Variants in RHBDF1 observed in about 807,000 individuals in gnomAD.
The protein encoded by RHBDF1 is inactive rhomboid protein 1.
A neutral mutation model predicts 98.6 loss-of-function variants in RHBDF1; 80 were observed. The observed-to-expected ratio is 0.81, with a 90% CI of 0.68 to 0.98. The LOEUF (loss-of-function observed/expected upper bound fraction) is 0.98, where lower values mean the gene tolerates loss of function less well. Ranked by LOEUF, RHBDF1 falls within the 50% of genes least tolerant of loss-of-function variation. RHBDF1 has a pLI of 0.00. For missense variants in RHBDF1, 1,116 were observed against 1,198.3 expected, an observed-to-expected ratio of 0.93 and a Z score of 1.01; for synonymous variants, 512 against 486.8, an observed-to-expected ratio of 1.05 and a Z score of -0.68.
In RHBDF1 at chr16:61,239, G is replaced by A. The variant is rs1368216351; in HGVS notation, c.1438C>T (p.Arg480Cys). The A allele has an allele frequency of 1.7e-5, 26 of 1,545,614 alleles. No homozygotes were observed. The highest frequency in any genetic ancestry group is 2.3e-5 in the Non-Finnish European group (26 of 1,144,724). The part of the protein sequence containing the change: ...HLGAKFSPCM[R>C]QDPQVHSFIR... ...AAGCTGTGCACCTGCGGGTCCTGGC[G>A]CATGCAGGGCGAAAACTTGGCGCCC... Residue 480 changes from arginine (R) to cysteine (C), a missense_variant, in exon 11 of 18, where the codon CGC (arginine) becomes TGC (cysteine). Coordinates refer to ENST00000262316, the MANE Select transcript of RHBDF1 (RefSeq NM_022450.5).
chr16:69,484 CA>C (rs756017120), intron 1 of RHBDF1, among the ~76,000 whole-genome samples: 2 of 152,058 alleles, frequency 1.3e-5, no homozygotes, highest in African/African-American at 2.4e-5. Context: ...AGCCTCATCC[CA>C]GGGGGATGTG....
In RHBDF1 at chr16:58,313, A is replaced by T; in HGVS notation, c.*27T>A. 1 of 1,593,904 alleles carries T rather than the reference A, an allele frequency of 6.3e-7. No homozygotes were observed. Among genetic ancestry groups the T allele is most frequent in the Non-Finnish European group, 8.6e-7 (1 of 1,169,266 alleles). ...GTGTCTGGCTCTGGCCTGCTGGAGC[A>T]CACGGCCGCTGGAGCCCGCAGCCAG... On this transcript the variant is annotated 3_prime_UTR_variant, in exon 18 of 18. Transcript: ENST00000262316.
rs1034041540 is a variant in RHBDF1 at position 70,292 on chromosome 16, G to A, written c.-25+2221C>T. ...TCTAGCTGGGTCTCAGGAGTTAGGC[G>A]AAAACACCCTCCCCAGGCTGCAGGT... On this transcript the variant is annotated intron_variant, in intron 1 of 17. Transcript: ENST00000262316. Among the ~76,000 whole-genome samples, 7 of 152,198 alleles carry A rather than the reference G, an allele frequency of 4.6e-5. No individual in the cohort carries two copies. In the East Asian group the frequency reaches 5.8e-4, roughly 13 times the overall value.
Position 58,175 on chromosome 16 carries a change from G to A in RHBDF1, c.*165C>T, listed in dbSNP as rs867822729. 39 of 637,114 alleles carry A rather than the reference G, an allele frequency of 6.1e-5. No individual in the cohort carries two copies. The highest frequency in any genetic ancestry group is 5.0e-4 in the South Asian group (25 of 49,538). The allele number at this position is 637,114 out of a possible 1,614,324, so 39.5% of individuals were successfully genotyped here. On this transcript the variant is annotated 3_prime_UTR_variant, in exon 18 of 18. Transcript: ENST00000262316. ...TAGTATAATAAATGCCCGGCAGTAC[G>A]AGGGGTTCAACAGAAGTGAACAAGG... is the stretch of plus-strand genomic sequence containing the variant.
chr16:61,833 G>A lies in RHBDF1; in HGVS notation c.1173C>T (p.Phe391=), dbSNP rs1485730881. The change falls in exon 8 of 18, where the codon TTC becomes TTT. Residue 391 remains phenylalanine (F), a synonymous_variant. Coordinates refer to ENST00000262316, the MANE Select transcript of RHBDF1 (RefSeq NM_022450.5). ...NRTYRKRIDS[F]VKRQIEDMDD... ...CCATGTCCTCGATCTGGCGCTTGACGAAGCTGTCGATGCGCTTGCGGTAGG... is the reference window on the plus strand; with the variant it reads ...CCATGTCCTCGATCTGGCGCTTGACAAAGCTGTCGATGCGCTTGCGGTAGG... 3 of 1,612,552 alleles carry A rather than the reference G, an allele frequency of 1.9e-6. No homozygotes were observed. Among genetic ancestry groups the A allele is most frequent in the Non-Finnish European group, 1.7e-6 (2 of 1,179,768 alleles).
In RHBDF1 at chr16:65,125, G is replaced by C. The variant is rs542299337; in HGVS notation, c.-24-86C>G. ...CCAGACCCGGGAGGAGGGAGAAGCA[G>C]TGATGAGCCCAACCGTGGTGCTCAT... On this transcript the variant is annotated intron_variant, in intron 1 of 17. Coordinates refer to ENST00000262316, the MANE Select transcript of RHBDF1 (RefSeq NM_022450.5). The C allele has an allele frequency of 4.7e-5, 66 of 1,393,194 alleles. No individual in the cohort carries two copies. In the South Asian group the frequency reaches 9.1e-4, roughly 19 times the overall value. 86.3% of individuals were successfully genotyped at this position (1,393,194 alleles called of 1,614,324 possible).
At chr16:59,181 T>C in intron 16 of RHBDF1, 54 bp from the exon 17 acceptor site, 1 of 1,597,126 alleles carries the variant, frequency 6.3e-7, no homozygotes, top group Non-Finnish European at 8.6e-7. Flanking sequence ...AAGTGACCTT[T>C]CTGCCACCCC....
Position 58,457 on chromosome 16 carries a change from G to T in RHBDF1, c.2451C>A (p.Gly817=). The part of the protein sequence containing the change: ...FQVVFLGLLA[G]LVVLFYVYPV... ...GATAGACGTAGAAGAGGACCACCAG[G>T]CCAGCCAGGAGGCCCAGGAAGACCA... Residue 817 remains glycine, a synonymous_variant, in exon 18 of 18, where the codon GGC becomes GGA. Coordinates refer to ENST00000262316, the MANE Select transcript of RHBDF1 (RefSeq NM_022450.5). 1 of 1,614,084 alleles carries T rather than the reference G, an allele frequency of 6.2e-7. No individual in the cohort carries two copies. The highest frequency in any genetic ancestry group is 1.1e-5 in the South Asian group (1 of 91,084).
At position 61,205 on chromosome 16, in the gene RHBDF1, G is replaced by C; in HGVS notation, c.1472C>G (p.Ser491Trp). Residue 491 changes from serine (S) to tryptophan (W), a missense_variant, in exon 11 of 18, where the codon TCG (serine) becomes TGG (tryptophan). Ser to Trp is a radical substitution (Grantham distance 177). Transcript: ENST00000262316. ...GGAGTGCTTCTCGCGCTCGCGCGCC[G>C]AGCGAATGAAGCTGTGCACCTGCGG... ...QDPQVHSFIR[S>W]AREREKHSAC... 6.5e-7 allele frequency: 1 copy of C among 1,544,894 alleles called. No individual in the cohort carries two copies. The highest frequency in any genetic ancestry group is 8.7e-7 in the Non-Finnish European group (1 of 1,145,570).
At chr16:65,132 G>A in intron 1 of RHBDF1, 93 bp from the exon 2 acceptor site, 2 of 1,348,602 alleles carry the variant, frequency 1.5e-6, no homozygotes, top group Non-Finnish European at 9.9e-7. Context: ...GCAGTGATGA[G>A]CCCAACCGTG....
At chr16:66,801 C>T (rs982879871) in intron 1 of RHBDF1, among the ~76,000 whole-genome samples, 7 of 152,190 alleles carry the variant, frequency 4.6e-5, no homozygotes, top group Admixed American at 6.5e-5. Context: ...ATCAGGGGCA[C>T]GAGCCAAGGG....
intron 11 of RHBDF1, 127 bp downstream of exon 11, chr16:60,993 C>A: frequency 2.0e-6 from 2 of 1,014,164 alleles, no homozygotes; most frequent in Non-Finnish European, 2.8e-6. Flanking sequence ...TATGACAAGG[C>A]CTTGCGCGTA....
chr16:59,233 CCA>C lies in RHBDF1; in HGVS notation c.1994+14_1994+15del, dbSNP rs1310852561. On this transcript the variant is annotated intron_variant, in intron 16 of 17. Coordinates refer to ENST00000262316, the MANE Select transcript of RHBDF1 (RefSeq NM_022450.5). ...AGGGCCCTGAGACCCCCGACCCGGCCCACAGTGTCACTTGCCCGGCGTGCAGG... is the reference window on the plus strand; with the variant it reads ...AGGGCCCTGAGACCCCCGACCCGGCCCAGTGTCACTTGCCCGGCGTGCAGG... 6 of 1,594,184 alleles carry C rather than the reference CCA, an allele frequency of 3.8e-6. No individual in the cohort carries two copies. The highest frequency in any genetic ancestry group is 1.3e-5 in the African/African-American group (1 of 74,658).
chr16:72,445 G>T, intron 1 of RHBDF1, 68 bp downstream of exon 1: 1 of 662,486 alleles, frequency 1.5e-6, no homozygotes, highest in Non-Finnish European at 1.7e-6. Flanking sequence ...GACTCGCCCC[G>T]CCCTCCGGAC....
Position 62,959 on chromosome 16 carries a change from G to A in RHBDF1, c.672+14C>T. On this transcript the variant is annotated intron_variant, in intron 5 of 17. Transcript: ENST00000262316. ...GGGTCGGCCCCCAACCCCGCCTTTG[G>A]CCCCTGCACCCACTTTCATCAGCGC... is the stretch of plus-strand genomic sequence containing the variant. 5 of 1,612,150 alleles carry A rather than the reference G, an allele frequency of 3.1e-6. No individual in the cohort carries two copies. The highest frequency in any genetic ancestry group is 1.1e-5 in the South Asian group (1 of 91,034).
In RHBDF1 at chr16:61,924, CGCACCG is replaced by C. The variant is rs1567114320; in HGVS notation, c.1076_1081del (p.Pro359_Val360del). 6.2e-7 allele frequency: 1 copy of C among 1,601,388 alleles called. No homozygotes were observed. The highest frequency in any genetic ancestry group is 1.1e-5 in the South Asian group (1 of 90,990). ...CCGCTTCTCCCGGGCGAAGAGCTTG[CGCACCG>C]GCACCGCGATACGCTGGCCCCGTCG... On this transcript the variant is annotated inframe_deletion, in exon 8 of 18. Coordinates refer to ENST00000262316, the MANE Select transcript of RHBDF1 (RefSeq NM_022450.5).
chr16:70,431 G>A (rs994375717), intron 1 of RHBDF1, among the ~76,000 whole-genome samples: 3 of 152,178 alleles, frequency 2.0e-5, no homozygotes, highest in East Asian at 1.9e-4. Flanking sequence ...ATGCACCCAG[G>A]TGCCCAGGCA....
chr16:75,132 C>T (rs1032419823), upstream of RHBDF1, among the ~76,000 whole-genome samples: 4 of 152,158 alleles, frequency 2.6e-5, no homozygotes, highest in Non-Finnish European at 5.9e-5. Context: ...GCCCCCTATA[C>T]GGAAACCCAG....
intron 1 of RHBDF1, among the ~76,000 whole-genome samples, chr16:67,445 C>T (rs1429623097): frequency 2.6e-5 from 4 of 152,206 alleles, no homozygotes; most frequent in Non-Finnish European, 5.9e-5. Flanking sequence ...TGGTTCTTCA[C>T]TCAGGAGTGT....
Sources: allele counts gnomAD v4.1 joint callset (sites outside exome capture counted in the v4.1 genomes callset), GRCh38; gene constraint gnomAD v4.1.1; transcripts MANE v1.5; gene names NCBI Gene and HGNC (gene_info 2026-07-23, HGNC 2026-07-21).